SH3RF1: variants seen among roughly 807,000 people sequenced by gnomAD.
SH3RF1 encodes E3 ubiquitin-protein ligase SH3RF1.
In SH3RF1, 32 loss-of-function variants were observed where a neutral mutation model predicts 74.0. The observed-to-expected ratio is 0.43, with a 90% CI of 0.33 to 0.58. SH3RF1 has a LOEUF of 0.58. Among genes scored for constraint, SH3RF1 ranks in the 20% least tolerant of loss-of-function variants. SH3RF1 has a pLI of 0.05. For missense variants in SH3RF1, 954 were observed against 1,130.9 expected, an observed-to-expected ratio of 0.84 and a Z score of 2.24; for synonymous variants, 396 against 439.6, an observed-to-expected ratio of 0.90 and a Z score of 1.24.
At chr4:169,133,911 T>C (rs1733656821) in intron 5 of SH3RF1, among the ~76,000 whole-genome samples, 1 of 152,246 alleles carries the variant, frequency 6.6e-6, no homozygotes, top group Non-Finnish European at 1.5e-5. Context: ...CCAGGCTCTT[T>C]GCTGGGCAGG....
chr4:169,184,743 C>G lies in SH3RF1; in HGVS notation c.394-28064G>C, dbSNP rs543921077. On this transcript the variant is annotated intron_variant, in intron 2 of 11. Coordinates refer to ENST00000284637, the MANE Select transcript of SH3RF1 (RefSeq NM_020870.4). Reference sequence around the variant, plus strand: ...TATTTATTTATTTATTTTTTGCACACTGGCTAAGAATAGAATATGCCAAAA... The same window carrying G: ...TATTTATTTATTTATTTTTTGCACAGTGGCTAAGAATAGAATATGCCAAAA... Among the ~76,000 whole-genome samples the G allele has an allele frequency of 1.4e-3, 215 of 152,274 alleles. 1 individual carries two copies. In the South Asian group the frequency reaches 0.018, roughly 13 times the overall value.
At chr4:169,107,879 T>C (rs1265212697) in intron 10 of SH3RF1, among the ~76,000 whole-genome samples, 7 of 152,220 alleles carry the variant, frequency 4.6e-5, no homozygotes, top group Non-Finnish European at 8.8e-5. Context: ...AGACATCCAT[T>C]TTAAGGAAAG....
In SH3RF1 at chr4:169,117,607, T is replaced by C; in HGVS notation, c.1693A>G (p.Ile565Val). Residue 565 changes from isoleucine to valine, a missense_variant, in exon 9 of 12, where the codon ATC becomes GTC. This residue lies in a region of SH3RF1 where 854 missense variants were observed against 962.5 expected (regional missense o/e 0.89). Transcript: ENST00000284637. ...VPAAVVSAAH[I>V]QTSPQAKVLL... ...ACCTTAGCCTGAGGACTTGTCTGGATGTGAGCTGCTGATACCACAGCTGCG... is the reference window on the plus strand; with the variant it reads ...ACCTTAGCCTGAGGACTTGTCTGGACGTGAGCTGCTGATACCACAGCTGCG... 1 of 1,614,228 alleles carries C rather than the reference T, an allele frequency of 6.2e-7. No individual in the cohort carries two copies. The highest frequency in any genetic ancestry group is 1.3e-5 in the African/African-American group (1 of 75,052).
chr4:169,140,632 G>T (rs140171351), intron 4 of SH3RF1, among the ~76,000 whole-genome samples: 1,669 of 152,176 alleles, frequency 0.011, 10 homozygotes, highest in Non-Finnish European at 0.015. Context: ...AAACAACAAG[G>T]CAGCTTAAGA....
chr4:169,188,397 A>G lies in SH3RF1; in HGVS notation c.394-31718T>C, dbSNP rs140749722. ...ATTTCCTTCATCACTCTCACTGTAA[A>G]CAATAGTGTCCACAAATCCAGGCAG... is the stretch of plus-strand genomic sequence containing the variant. On this transcript the variant is annotated intron_variant, in intron 2 of 11. Coordinates refer to ENST00000284637, the MANE Select transcript of SH3RF1 (RefSeq NM_020870.4). 4.4e-3 allele frequency among the ~76,000 whole-genome samples: 667 copies of G among 152,310 alleles called. 5 individuals carry two copies. The highest frequency in any genetic ancestry group is 0.015 in the African/African-American group (642 of 41,570).
At chr4:169,240,029 A>G (rs1213835322) in intron 2 of SH3RF1, among the ~76,000 whole-genome samples, 1 of 152,124 alleles carries the variant, frequency 6.6e-6, no homozygotes, top group African/African-American at 2.4e-5. Context: ...CTCAAAAAAA[A>G]CAAAAGTAAT....
chr4:169,266,690 C>G lies in SH3RF1; in HGVS notation c.393+2130G>C, dbSNP rs927408882. ...ATGTTGTCTAGGCTAGACTTGAACTCCTGGGCTCAAGTGATCCTCCGGCCC... is the reference window on the plus strand; with the variant it reads ...ATGTTGTCTAGGCTAGACTTGAACTGCTGGGCTCAAGTGATCCTCCGGCCC... On this transcript the variant is annotated intron_variant, in intron 2 of 11. Coordinates refer to ENST00000284637, the MANE Select transcript of SH3RF1 (RefSeq NM_020870.4). Among the ~76,000 whole-genome samples, 52 of 152,136 alleles carry G rather than the reference C, an allele frequency of 3.4e-4. 1 individual carries two copies. Among genetic ancestry groups the G allele is most frequent in the Middle Eastern group, 6.8e-3 (2 of 294 alleles).
intron 4 of SH3RF1, among the ~76,000 whole-genome samples, chr4:169,139,990 T>C (rs1289455535): frequency 6.6e-6 from 1 of 152,260 alleles, no homozygotes; most frequent in African/African-American, 2.4e-5. Context: ...TAGCCTAGCA[T>C]ATTTTTTCTG....
At chr4:169,210,245 C>T (rs1222754822) in intron 2 of SH3RF1, among the ~76,000 whole-genome samples, 1 of 152,188 alleles carries the variant, frequency 6.6e-6, no homozygotes, top group Non-Finnish European at 1.5e-5. Flanking sequence ...TCCTACTCTC[C>T]TTTCAATATT....
chr4:169,096,677 C>T lies in SH3RF1; in HGVS notation c.2509G>A (p.Val837Met), dbSNP rs1324841562. The T allele has an allele frequency of 6.2e-7, 1 of 1,606,112 alleles. No individual in the cohort carries two copies. The highest frequency in any genetic ancestry group is 1.3e-5 in the African/African-American group (1 of 74,330). ...TCACTCTGAGGAGGATAGGAAACCACCACCCTGTGCCTAGAAAAGAAAGAG... is the reference window on the plus strand; with the variant it reads ...TCACTCTGAGGAGGATAGGAAACCATCACCCTGTGCCTAGAAAAGAAAGAG... ...RPVVCERHRV[V>M]VSYPPQSEAE... The change falls in exon 12 of 12, where the codon GTG becomes ATG. Residue 837 changes from valine (V) to methionine (M), a missense_variant. By Grantham distance (21) the Val-to-Met change is conservative (BLOSUM62 1). Transcript: ENST00000284637.
chr4:169,138,276 G>A (rs895583729), intron 4 of SH3RF1, among the ~76,000 whole-genome samples: 2 of 152,192 alleles, frequency 1.3e-5, no homozygotes, highest in Non-Finnish European at 2.9e-5. Context: ...CTAATAAACT[G>A]CAGTGAACCA....
intron 2 of SH3RF1, among the ~76,000 whole-genome samples, chr4:169,256,650 G>T (rs7671572): frequency 0.01 from 1,549 of 152,210 alleles, 33 homozygotes; most frequent in African/African-American, 0.036. Context: ...AGGCTGGAGT[G>T]CAGTGACAAG....
At chr4:169,268,217 A>G (rs1265804805) in intron 2 of SH3RF1, among the ~76,000 whole-genome samples, 1 of 152,214 alleles carries the variant, frequency 6.6e-6, no homozygotes, top group African/African-American at 2.4e-5. Flanking sequence ...TTCACTATAA[A>G]GCCCAACATA....
At chr4:169,238,973 C>T (rs201941357) in intron 2 of SH3RF1, among the ~76,000 whole-genome samples, 1 of 137,188 alleles carries the variant, frequency 7.3e-6, no homozygotes, top group Non-Finnish European at 1.6e-5. Flanking sequence ...CGCCCCCCCC[C>T]ACCCCTTGCC....
intron 2 of SH3RF1, among the ~76,000 whole-genome samples, chr4:169,228,951 AAAC>A (rs202197285): frequency 0.01 from 1,547 of 151,984 alleles, 29 homozygotes; most frequent in African/African-American, 0.036. Flanking sequence ...GTTCTTCGAA[AAAC>A]AAACAAACAA....
intron 10 of SH3RF1, among the ~76,000 whole-genome samples, chr4:169,107,939 A>G (rs1733174018): frequency 6.6e-6 from 1 of 151,760 alleles, no homozygotes; most frequent in Non-Finnish European, 1.5e-5. Context: ...AAGCAAATAT[A>G]CAAATAAGCG....
intron 4 of SH3RF1, among the ~76,000 whole-genome samples, chr4:169,146,181 AT>A (rs1561036364): frequency 7.0e-6 from 1 of 143,620 alleles, no homozygotes; most frequent in East Asian, 2.0e-4. Flanking sequence ...TATATTATAT[AT>A]TCTATATAAA....
At chr4:169,123,101 T>C (rs763969695) in intron 6 of SH3RF1, among the ~76,000 whole-genome samples, 1 of 152,192 alleles carries the variant, frequency 6.6e-6, no homozygotes, top group Non-Finnish European at 1.5e-5. Flanking sequence ...AACAACTAGA[T>C]GTAAAAACTA....
intron 2 of SH3RF1, among the ~76,000 whole-genome samples, chr4:169,233,216 T>A (rs2127008291): frequency 8.6e-6 from 1 of 116,252 alleles, no homozygotes; most frequent in South Asian, 3.0e-4. Flanking sequence ...GCCACTGCAC[T>A]CCAGCCTGGG....
Sources: gnomAD v4.1 joint callset for allele counts (sites outside exome capture counted in the v4.1 genomes callset) on GRCh38, gnomAD v4.1.1 for gene constraint, gnomAD v4.1.1 regional missense constraint, MANE v1.5 for transcripts, NCBI Gene and HGNC (gene_info 2026-07-23, HGNC 2026-07-21) for gene names.